The following TAOK3 variants were observed in gnomAD, a reference collection of about 807,000 sequenced individuals.
The protein encoded by TAOK3 is serine/threonine-protein kinase TAO3.
TAOK3 carries 40 observed loss-of-function variants against 120.4 expected under a neutral mutation model. That is an observed-to-expected ratio of 0.33 (90% confidence interval 0.26 to 0.43). The LOEUF is 0.43. Among genes scored for constraint, TAOK3 ranks in the 20% least tolerant of loss-of-function variants. The pLI, the probability that TAOK3 is intolerant of heterozygous loss-of-function variation, is 1.00. For missense variants in TAOK3, 821 were observed against 1,112.1 expected (o/e 0.74, Z 3.72); for synonymous variants, 355 against 387.5 (o/e 0.92, Z 0.99).
At chr12:118,312,619 CA>C (rs1197248960) in intron 1 of TAOK3, among the ~76,000 whole-genome samples, 1 of 152,080 alleles carries the variant, frequency 6.6e-6, no homozygotes, top group Admixed American at 6.6e-5. Context: ...ACAAAATCCA[CA>C]AAACAGCTTA....
intron 11 of TAOK3, among the ~76,000 whole-genome samples, chr12:118,210,113 GA>G (rs2038546260): frequency 6.6e-6 from 1 of 152,118 alleles, no homozygotes; most frequent in Non-Finnish European, 1.5e-5. Context: ...AGTATTTGGG[GA>G]GGGGCCTCTT....
At chr12:118,278,110 T>G (rs1217968300) in intron 1 of TAOK3, among the ~76,000 whole-genome samples, 1 of 152,124 alleles carries the variant, frequency 6.6e-6, no homozygotes. Flanking sequence ...TTTTTTTTTT[T>G]GCACCCAGCA....
intron 3 of TAOK3, among the ~76,000 whole-genome samples, chr12:118,250,673 C>T (rs778451052): frequency 6.6e-6 from 1 of 152,032 alleles, no homozygotes; most frequent in Non-Finnish European, 1.5e-5. Flanking sequence ...GTTAATATGC[C>T]CAGTACCTAT....
chr12:118,291,656 ACT>A (rs1348414529), intron 1 of TAOK3, among the ~76,000 whole-genome samples: 1 of 152,092 alleles, frequency 6.6e-6, no homozygotes, highest in Admixed American at 6.5e-5. Flanking sequence ...AATTATCAGC[ACT>A]CTCAACTAAT....
intron 1 of TAOK3, among the ~76,000 whole-genome samples, chr12:118,294,643 C>G (rs1190884719): frequency 6.6e-6 from 1 of 152,124 alleles, no homozygotes; most frequent in East Asian, 1.9e-4. Flanking sequence ...CTCGGCCTCC[C>G]AAAGTGTTGG....
chr12:118,226,511 T>A (rs1362850750), intron 9 of TAOK3, among the ~76,000 whole-genome samples: 1 of 146,216 alleles, frequency 6.8e-6, no homozygotes. Flanking sequence ...TCCAGCCTGG[T>A]GACAGAGCGA....
In TAOK3 at chr12:118,243,451, C is replaced by T; in HGVS notation, c.258G>A (p.Glu86=). The change falls in exon 5 of 21, where the codon GAG becomes GAA. Residue 86 remains glutamate (E), a synonymous_variant. Transcript: ENST00000392533. ...GTTCTTTCAAGTAACAGCCTTTGTA[C>T]TCAATAGTATTAGGATGCTTCAATT... ...LRQLKHPNTI[E]YKGCYLKEHT... 6.4e-7 allele frequency: 1 copy of T among 1,574,246 alleles called. No homozygotes were observed. The highest frequency in any genetic ancestry group is 1.2e-5 in the South Asian group (1 of 83,910).
chr12:118,362,334 A>AG (rs2045623677), intron 1 of TAOK3, among the ~76,000 whole-genome samples: 1 of 151,760 alleles, frequency 6.6e-6, no homozygotes, highest in African/African-American at 2.4e-5. Flanking sequence ...AAAAAAAAAA[A>AG]AAGGTCCATG....
chr12:118,230,460 GTTTTTTTTTTT>G (rs71069433), intron 9 of TAOK3, among the ~76,000 whole-genome samples: 7 of 49,984 alleles, frequency 1.4e-4, no homozygotes, highest in Non-Finnish European at 2.2e-4. Context: ...CCTGTGAAGT[GTTTTTTTTTTT>G]TTTTTTTTTT....
At chr12:118,277,743 G>A (rs1452869292) in intron 1 of TAOK3, among the ~76,000 whole-genome samples, 1 of 152,052 alleles carries the variant, frequency 6.6e-6, no homozygotes, top group African/African-American at 2.4e-5. Flanking sequence ...ACAGGCATGA[G>A]CCACCGTGCC....
chr12:118,217,811 GTATACATATATATATATA>G lies in TAOK3; in HGVS notation c.644-3719_644-3702del, dbSNP rs1240244635. Among the ~76,000 whole-genome samples the G allele has an allele frequency of 1.8e-3, 132 of 75,370 alleles. 3 individuals are homozygous for G. The highest frequency in any genetic ancestry group is 2.8e-3 in the African/African-American group (55 of 19,506). The allele number at this position is 75,370 out of a possible 152,430, so 49.4% of individuals were successfully genotyped here. A position where few individuals can be genotyped will look rare whatever the true frequency, so the allele number is the denominator to read the frequency against. On this transcript the variant is annotated intron_variant, in intron 9 of 20. Coordinates refer to ENST00000392533, the MANE Select transcript of TAOK3 (RefSeq NM_016281.4). ...TGTATGTATGTATGTGTGTGTGTGT[GTATACATATATATATATA>G]TATATATATATATATATATATATAT...
rs184818806 is a variant in TAOK3 at position 118,191,928 on chromosome 12, G to A, written c.1195-1987C>T. Among the ~76,000 whole-genome samples, 9 of 152,222 alleles carry A rather than the reference G, an allele frequency of 5.9e-5. No homozygotes were observed. The East Asian group carries it at 1.7e-3, about 29-fold the overall frequency. The stretch of plus-strand genomic sequence containing the variant: ...TCGTAGTTTTGGTGAATATTAATTG[G>A]CTAACTTACCAAGTACATTGATAGA... On this transcript the variant is annotated intron_variant, in intron 13 of 20. Transcript: ENST00000392533.
chr12:118,179,419 C>A (rs1031266725), intron 15 of TAOK3, among the ~76,000 whole-genome samples: 2 of 152,158 alleles, frequency 1.3e-5, no homozygotes, highest in Admixed American at 6.5e-5. Flanking sequence ...TAAATCACCT[C>A]TTGTACCTAA....
Position 118,199,136 on chromosome 12 carries a change from A to G in TAOK3, c.1109T>C (p.Val370Ala), listed in dbSNP as rs1466253484. 1 of 1,614,026 alleles carries G rather than the reference A, an allele frequency of 6.2e-7. No homozygotes were observed. The highest frequency in any genetic ancestry group is 8.5e-7 in the Non-Finnish European group (1 of 1,180,026). Residue 370 changes from valine (V) to alanine (A), a missense_variant, in exon 13 of 21, where the codon GTC becomes GCC. Val to Ala is a moderately conservative substitution (Grantham distance 64). Around this residue, in one of 2 missense-constraint regions of TAOK3, gnomAD observed 467 missense variants for 540.0 expected, o/e 0.86. Coordinates refer to ENST00000392533, the MANE Select transcript of TAOK3 (RefSeq NM_016281.4). ...AAGTTCGGAACTGCTCTCGTCCATG[A>G]CTTCCTGCATGCTGTTCACACTGCT... ...QSSSVNSMQE[V>A]MDESSSELVM...
At chr12:118,168,957 T>TTGCC (rs1300287948) in intron 17 of TAOK3, among the ~76,000 whole-genome samples, 7 of 147,672 alleles carry the variant, frequency 4.7e-5, no homozygotes, top group Non-Finnish European at 8.9e-5. Flanking sequence ...GCTTGCTTGC[T>TTGCC]TTCCTTCCTT....
intron 2 of TAOK3, among the ~76,000 whole-genome samples, chr12:118,261,327 G>A (rs1480218359): frequency 6.6e-6 from 1 of 151,998 alleles, no homozygotes; most frequent in Non-Finnish European, 1.5e-5. Flanking sequence ...GATCCAAGAA[G>A]GTCCATGAAC....
intron 1 of TAOK3, among the ~76,000 whole-genome samples, chr12:118,274,407 C>A (rs1459104825): frequency 6.6e-6 from 1 of 152,218 alleles, no homozygotes; most frequent in East Asian, 1.9e-4. Flanking sequence ...AGGATCCTAA[C>A]AATGATAACC....
chr12:118,177,515 A>G (rs906984739), intron 15 of TAOK3, among the ~76,000 whole-genome samples, 186 bp from the exon 16 acceptor site: 55 of 151,884 alleles, frequency 3.6e-4, no homozygotes, highest in African/African-American at 1.2e-3. Flanking sequence ...AAAAAACACC[A>G]GAAATTTTCA....
chr12:118,266,300 C>A lies in TAOK3; in HGVS notation c.-89+355G>T, dbSNP rs940789480. ...CTCTGCCTCCTGGGTTCAACCAATT[C>A]TCCTGCCTCAGCCTCCCCAGTAGCT... On this transcript the variant is annotated intron_variant, in intron 2 of 20. Coordinates refer to ENST00000392533, the MANE Select transcript of TAOK3 (RefSeq NM_016281.4). 9.9e-5 allele frequency among the ~76,000 whole-genome samples: 15 copies of A among 152,168 alleles called. 1 individual carries two copies. In the South Asian group the frequency reaches 3.1e-3, roughly 32 times the overall value.
Sources: gnomAD v4.1 joint callset for allele counts (sites outside exome capture counted in the v4.1 genomes callset) on GRCh38, gnomAD v4.1.1 for gene constraint, gnomAD v4.1.1 regional missense constraint, MANE v1.5 for transcripts, NCBI Gene and HGNC (gene_info 2026-07-23, HGNC 2026-07-21) for gene names.